CFAP91: variants seen among roughly 807,000 people sequenced by gnomAD.
CFAP91 encodes cilia- and flagella-associated protein 91.
CFAP91 carries 85 observed loss-of-function variants against 95.9 expected under a neutral mutation model. That is an observed-to-expected ratio of 0.89 (90% CI 0.74 to 1.06). The LOEUF (loss-of-function observed/expected upper bound fraction) is 1.06. Among genes scored for constraint, CFAP91 ranks in the 50% least tolerant of loss-of-function variants. CFAP91 has a pLI of 0.00. For synonymous variants in CFAP91, 335 were observed against 327.5 expected (o/e 1.02, Z -0.25); for missense variants, 962 against 943.4 (o/e 1.02, Z -0.26).
rs201925770 is a variant in CFAP91 at position 119,732,376 on chromosome 3, T to C, written c.1101T>C (p.Tyr367=). ...ATATCATCAAGGATTATTCTGATTA[T>C]GCATCACAGGTCTATGGACCTCTGT... ...RRNIIKDYSD[Y]ASQVYGPLSR... is the part of the protein sequence containing the mutation. Residue 367 remains tyrosine, a synonymous_variant, in exon 9 of 18, where the codon TAT becomes TAC. Coordinates refer to ENST00000273390, the MANE Select transcript of CFAP91 (RefSeq NM_033364.4). 1.0e-4 allele frequency: 163 copies of C among 1,612,444 alleles called. No individual in the cohort carries two copies. The highest frequency in any genetic ancestry group is 1.9e-5 in the Non-Finnish European group (22 of 1,178,738).
intron 13 of CFAP91, 141 bp downstream of exon 13, chr3:119,740,836 T>A (rs771823381): frequency 1.7e-5 from 4 of 233,512 alleles, no homozygotes; most frequent in Non-Finnish European, 2.7e-5. Flanking sequence ...TGTCAGCATT[T>A]GTGTGTGTGT....
intron 5 of CFAP91, among the ~76,000 whole-genome samples, chr3:119,713,757 C>T (rs2053519481): frequency 6.6e-6 from 1 of 151,960 alleles, no homozygotes; most frequent in Non-Finnish European, 1.5e-5. Context: ...TTTTTGTATG[C>T]ATAAAAACAC....
chr3:119,711,993 G>A (rs1162069228), intron 5 of CFAP91, among the ~76,000 whole-genome samples: 1 of 152,222 alleles, frequency 6.6e-6, no homozygotes, highest in Non-Finnish European at 1.5e-5. Context: ...TGGTGGAGGA[G>A]GAAAGGGCCT....
At chr3:119,704,042 G>T (rs2053311600) in intron 1 of CFAP91, among the ~76,000 whole-genome samples, 2 of 152,156 alleles carry the variant, frequency 1.3e-5, no homozygotes, top group Non-Finnish European at 2.9e-5. Context: ...AGTCTCCTTT[G>T]TGTGGGAATC....
At chr3:119,711,274 C>A (rs957929716) in intron 5 of CFAP91, among the ~76,000 whole-genome samples, 1 of 152,152 alleles carries the variant, frequency 6.6e-6, no homozygotes, top group Admixed American at 6.5e-5. Flanking sequence ...CTAGACAGAG[C>A]AACTTCTTGG....
chr3:119,748,278 A>C (rs1394732025), intron 16 of CFAP91, among the ~76,000 whole-genome samples: 1 of 152,168 alleles, frequency 6.6e-6, no homozygotes, highest in African/African-American at 2.4e-5. Context: ...GTGAACCGTG[A>C]ATGTTAAAAA....
chr3:119,751,177 A>T lies in CFAP91; in HGVS notation c.*1+79A>T, dbSNP rs199537110. 2.1e-6 allele frequency: 3 copies of T among 1,424,680 alleles called. No individual in the cohort carries two copies. In the South Asian group the frequency reaches 4.4e-5, roughly 21 times the overall value. 88.3% of individuals were successfully genotyped at this position (1,424,680 alleles called of 1,614,324 possible). A position where few individuals can be genotyped will look rare whatever the true frequency, so the allele number is the denominator to read the frequency against. On this transcript the variant is annotated intron_variant, in intron 17 of 17. Coordinates refer to ENST00000273390, the MANE Select transcript of CFAP91 (RefSeq NM_033364.4). Reference sequence around the variant, plus strand: ...TTGTTCAGCTTTGTGCTGTGCTCAAACAATCATAATGTGAAGATTGCTGTT... The same window carrying T: ...TTGTTCAGCTTTGTGCTGTGCTCAATCAATCATAATGTGAAGATTGCTGTT...
Position 119,766,199 on chromosome 3 carries a change from G to A in CFAP91, c.*1149G>A, listed in dbSNP as rs1245057280. On this transcript the variant is annotated 3_prime_UTR_variant, in exon 18 of 18. Transcript: ENST00000273390. ...TGGGATGGGAAGGAATGGGCAAAGA[G>A]ATTAAAATGACAGAAGTTAGCTGTA... is the stretch of plus-strand genomic sequence containing the variant. 1 of 152,150 alleles carries A rather than the reference G, an allele frequency of 6.6e-6. No homozygotes were observed. The highest frequency in any genetic ancestry group is 2.4e-5 in the African/African-American group (1 of 41,414). 9.4% of individuals were successfully genotyped at this position (152,150 alleles called of 1,614,324 possible). A position where few individuals can be genotyped will look rare whatever the true frequency, so the allele number is the denominator to read the frequency against.
chr3:119,708,571 G>A lies in CFAP91; in HGVS notation c.360-20G>A, dbSNP rs933292490. ...TGGAAATATTTTAGACTTGAATAATGTTTTCTTGCTTCATTTTAGAACTGA... is the reference window on the plus strand; with the variant it reads ...TGGAAATATTTTAGACTTGAATAATATTTTCTTGCTTCATTTTAGAACTGA... On this transcript the variant is annotated intron_variant, in intron 3 of 17. Transcript: ENST00000273390. 1 of 1,518,358 alleles carries A rather than the reference G, an allele frequency of 6.6e-7. No homozygotes were observed. The highest frequency in any genetic ancestry group is 9.1e-7 in the Non-Finnish European group (1 of 1,100,188). 94.1% of individuals were successfully genotyped at this position (1,518,358 alleles called of 1,614,324 possible).
intron 6 of CFAP91, among the ~76,000 whole-genome samples, chr3:119,719,153 A>C (rs1040433595): frequency 1.2e-4 from 18 of 152,240 alleles, no homozygotes; most frequent in Non-Finnish European, 2.2e-4. Flanking sequence ...GTAGATGTGT[A>C]TATAATTGCG....
At chr3:119,727,415 C>G (rs2053803793) in intron 7 of CFAP91, among the ~76,000 whole-genome samples, 1 of 152,088 alleles carries the variant, frequency 6.6e-6, no homozygotes, top group South Asian at 2.1e-4. Flanking sequence ...TGTGTCTTTT[C>G]AAAAGGCATT....
intron 14 of CFAP91, among the ~76,000 whole-genome samples, chr3:119,746,102 G>A (rs975603878): frequency 5.2e-4 from 79 of 152,106 alleles, no homozygotes; most frequent in African/African-American, 1.8e-3. Context: ...CCTGTAAAGC[G>A]GGCAAAACTA....
intron 14 of CFAP91, among the ~76,000 whole-genome samples, chr3:119,745,505 C>T (rs550998495): frequency 6.6e-6 from 1 of 152,196 alleles, no homozygotes; most frequent in Admixed American, 6.5e-5. Context: ...CACATACATA[C>T]ACGCACAAAC....
At chr3:119,730,175 T>C (rs1320498119) in intron 7 of CFAP91, 45 bp from the exon 8 acceptor site, 1 of 1,585,870 alleles carries the variant, frequency 6.3e-7, no homozygotes, top group South Asian at 1.2e-5. Context: ...TTGCCCTCTG[T>C]TTGAGATGCC....
In CFAP91 at chr3:119,740,835, T is replaced by G. The variant is rs1577231730; in HGVS notation, c.1680+140T>G. The G allele has an allele frequency of 1.9e-6, 1 of 514,112 alleles. No individual in the cohort carries two copies. Among genetic ancestry groups the G allele is most frequent in the Non-Finnish European group, 3.4e-6 (1 of 297,374 alleles). The allele number at this position is 514,112 out of a possible 1,614,324, so 31.8% of individuals were successfully genotyped here. A position where few individuals can be genotyped will look rare whatever the true frequency, so the allele number is the denominator to read the frequency against. ...CACAATCCCATCACTCTGTCAGCAT[T>G]TGTGTGTGTGTGTGTGTGTGTGTGT... On this transcript the variant is annotated intron_variant, in intron 13 of 17. Transcript: ENST00000273390.
intron 17 of CFAP91, among the ~76,000 whole-genome samples, chr3:119,761,809 T>C (rs1199976156): frequency 6.6e-6 from 1 of 151,792 alleles, no homozygotes; most frequent in East Asian, 1.9e-4. Context: ...AAAAAAACTC[T>C]TAACAGATTC....
At chr3:119,741,422 A>G (rs755701323) in intron 13 of CFAP91, among the ~76,000 whole-genome samples, 3 of 152,226 alleles carry the variant, frequency 2.0e-5, no homozygotes, top group Non-Finnish European at 4.4e-5. Context: ...GAGCTGTCAT[A>G]GCTCATGCTG....
intron 10 of CFAP91, among the ~76,000 whole-genome samples, chr3:119,734,190 G>A (rs1425635947): frequency 6.6e-6 from 1 of 152,090 alleles, no homozygotes; most frequent in African/African-American, 2.4e-5. Flanking sequence ...GCTGCTGCTG[G>A]TCCAGGAACC....
At chr3:119,745,518 C>T (rs563312693) in intron 14 of CFAP91, among the ~76,000 whole-genome samples, 1 of 152,328 alleles carries the variant, frequency 6.6e-6, no homozygotes, top group South Asian at 2.1e-4. Context: ...GCACAAACGT[C>T]TCCAGAAATT....
Sources: gnomAD v4.1 joint callset for allele counts (sites outside exome capture counted in the v4.1 genomes callset) on GRCh38, gnomAD v4.1.1 for gene constraint, MANE v1.5 for transcripts, NCBI Gene and HGNC (gene_info 2026-07-23, HGNC 2026-07-21) for gene names.